TMPRSS4: variants seen among roughly 807,000 people sequenced by gnomAD.
TMPRSS4 encodes the protein transmembrane serine protease 4, also known as transmembrane protease serine 4.
A neutral mutation model predicts 56.4 loss-of-function variants in TMPRSS4; 45 were observed. The ratio of observed to expected loss-of-function variants is 0.80; its 90% CI spans 0.63 to 1.02. The LOEUF (loss-of-function observed/expected upper bound fraction) is 1.02, where lower values mean the gene tolerates loss of function less well. Ranked by LOEUF, TMPRSS4 falls within the 50% of genes least tolerant of loss-of-function variation. The pLI, the probability that TMPRSS4 is intolerant of heterozygous loss-of-function variation, is 0.00. For synonymous variants in TMPRSS4, 205 were observed against 211.0 expected (o/e 0.97, Z 0.25); for missense variants, 546 against 556.7 (o/e 0.98, Z 0.19).
chr11:118,104,573 C>T (rs1015674052), intron 4 of TMPRSS4, 118 bp from the exon 5 acceptor site: 5 of 1,487,790 alleles, frequency 3.4e-6, no homozygotes, highest in African/African-American at 2.8e-5. Flanking sequence ...AGTGTTGGGG[C>T]TCTGTGGCAC....
chr11:118,089,184 A>G (rs897211513), intron 1 of TMPRSS4, among the ~76,000 whole-genome samples: 1 of 152,074 alleles, frequency 6.6e-6, no homozygotes, highest in Non-Finnish European at 1.5e-5. Flanking sequence ...CATGAGCCCC[A>G]GTACTCGTGA....
At chr11:118,108,129 T>C in intron 6 of TMPRSS4, 1 of 404,738 alleles carries the variant, frequency 2.5e-6, no homozygotes, top group East Asian at 3.9e-5. Flanking sequence ...GCCAGAGGGA[T>C]GGATAATGTG....
intron 1 of TMPRSS4, among the ~76,000 whole-genome samples, chr11:118,083,568 G>T (rs1191733980): frequency 6.6e-6 from 1 of 151,978 alleles, no homozygotes; most frequent in Non-Finnish European, 1.5e-5. Flanking sequence ...TTGACTATGA[G>T]TATCTACTAT....
Position 118,114,195 on chromosome 11 carries a change from T to C in TMPRSS4, c.911-634T>C, listed in dbSNP as rs181436213. 6.6e-5 allele frequency among the ~76,000 whole-genome samples: 10 copies of C among 152,348 alleles called. 1 individual carries two copies. In the East Asian group the frequency reaches 1.9e-3, roughly 29 times the overall value. ...TTCTAGAGACCCTGGTGTGACCCCT[T>C]TCAGAGAGCTTAACTGCCAGGCTCT... On this transcript the variant is annotated intron_variant, in intron 9 of 12. Transcript: ENST00000437212.
chr11:118,098,069 C>T (rs1309826110), intron 2 of TMPRSS4, among the ~76,000 whole-genome samples: 1 of 152,218 alleles, frequency 6.6e-6, no homozygotes, highest in Non-Finnish European at 1.5e-5. Context: ...CGCACTGGAC[C>T]AGATCCATCT....
Position 118,111,976 on chromosome 11 carries a change from T to C in TMPRSS4, c.743+76T>C, listed in dbSNP as rs1014680043. 1.9e-5 allele frequency: 30 copies of C among 1,551,624 alleles called. 3 individuals carry two copies. The Admixed American group carries it at 3.5e-4, about 18-fold the overall frequency. On this transcript the variant is annotated intron_variant, in intron 8 of 12. Transcript: ENST00000437212. ...CCAGAGAGCTTGGGGTCCTGTCTCC[T>C]GGCACCGTCCTTCTCTTCACTCTCC... is the stretch of plus-strand genomic sequence containing the variant.
chr11:118,117,372 G>A lies in TMPRSS4; in HGVS notation c.1220G>A (p.Gly407Asp). The A allele has an allele frequency of 6.2e-7, 1 of 1,614,122 alleles. No individual in the cohort carries two copies. Among genetic ancestry groups the A allele is most frequent in the Non-Finnish European group, 8.5e-7 (1 of 1,179,992 alleles). ...QWHVVGIVSW[G>D]YGCGGPSTPG... is the part of the protein sequence containing the mutation. ...CATGTGGTGGGCATCGTTAGTTGGG[G>A]CTATGGCTGCGGGGGCCCGAGCACC... The change falls in exon 12 of 13, where the codon GGC becomes GAC. Residue 407 changes from glycine to aspartate, a missense_variant. By Grantham distance (94) the Gly-to-Asp change is moderately conservative (BLOSUM62 -1). Coordinates refer to ENST00000437212, the MANE Select transcript of TMPRSS4 (RefSeq NM_019894.4).
chr11:118,113,707 A>T lies in TMPRSS4; in HGVS notation c.910+272A>T, dbSNP rs148071017. Among the ~76,000 whole-genome samples the T allele has an allele frequency of 1.2e-3, 184 of 152,270 alleles. 2 individuals are homozygous for T. The highest frequency in any genetic ancestry group is 4.1e-3 in the African/African-American group (171 of 41,554). On this transcript the variant is annotated intron_variant, in intron 9 of 12. Coordinates refer to ENST00000437212, the MANE Select transcript of TMPRSS4 (RefSeq NM_019894.4). ...TCGAGTGAGAACTGGAGTTTCATCC[A>T]ATCTTGGAGTTTTAGGAGACCTTTT...
At chr11:118,099,179 T>G in intron 3 of TMPRSS4, 81 bp downstream of exon 3, 2 of 1,028,456 alleles carry the variant, frequency 1.9e-6, no homozygotes, top group Non-Finnish European at 2.8e-6. Flanking sequence ...CACCCCTGAA[T>G]AAGTGACAGT....
intron 5 of TMPRSS4, chr11:118,105,884 C>T (rs1946965765): frequency 6.6e-6 from 1 of 152,252 alleles, no homozygotes; most frequent in African/African-American, 2.4e-5. Context: ...GTAAATGCTC[C>T]AGGCAGCCAT....
In TMPRSS4 at chr11:118,089,488, G is replaced by GC. The variant is rs527381661; in HGVS notation, c.4-5325dup. On this transcript the variant is annotated intron_variant, in intron 1 of 12. Coordinates refer to ENST00000437212, the MANE Select transcript of TMPRSS4 (RefSeq NM_019894.4). ...TTTTTTCACTATTGGTCCATGCAGG[G>GC]CCCATTTGTAACTTGCTAGTTAGTT... Among the ~76,000 whole-genome samples, 46 of 152,206 alleles carry GC rather than the reference G, an allele frequency of 3.0e-4. 1 individual carries two copies. The South Asian group carries it at 9.3e-3, about 31-fold the overall frequency.
intron 5 of TMPRSS4, 67 bp downstream of exon 5, chr11:118,104,887 T>C: frequency 6.9e-7 from 1 of 1,452,010 alleles, no homozygotes; most frequent in South Asian, 1.4e-5. Flanking sequence ...CTTTCCTTCC[T>C]CCCTTCTTCT....
chr11:118,108,731 T>G (rs749224164), intron 6 of TMPRSS4, 125 bp from the exon 7 acceptor site: 55 of 864,084 alleles, frequency 6.4e-5, no homozygotes, highest in Non-Finnish European at 9.3e-5. Context: ...TGTTCCCCAC[T>G]GTGCAGCTTC....
chr11:118,113,296 G>A lies in TMPRSS4; in HGVS notation c.771G>A (p.Lys257=). 1 of 1,614,106 alleles carries A rather than the reference G, an allele frequency of 6.2e-7. No individual in the cohort carries two copies. The highest frequency in any genetic ancestry group is 8.5e-7 in the Non-Finnish European group (1 of 1,179,998). The change falls in exon 9 of 13, where the codon AAG becomes AAA. Residue 257 remains lysine (K), a synonymous_variant. Coordinates refer to ENST00000437212, the MANE Select transcript of TMPRSS4 (RefSeq NM_019894.4). ...FRKHTDVFNW[K]VRAGSDKLGS... is the part of the protein sequence containing the mutation. Reference sequence around the variant, plus strand: ...AACATACCGATGTGTTCAACTGGAAGGTGCGGGCAGGCTCAGACAAACTGG... The same window carrying A: ...AACATACCGATGTGTTCAACTGGAAAGTGCGGGCAGGCTCAGACAAACTGG...
chr11:118,084,256 A>G (rs1020250218), intron 1 of TMPRSS4, among the ~76,000 whole-genome samples: 2 of 152,198 alleles, frequency 1.3e-5, no homozygotes, highest in Admixed American at 6.5e-5. Context: ...CCTAGGCTGC[A>G]GGATTCCACG....
intron 2 of TMPRSS4, among the ~76,000 whole-genome samples, chr11:118,096,879 GAAAGAAAGAAAGAAAGAA>G (rs1946341506): frequency 4.3e-5 from 2 of 46,404 alleles, no homozygotes; most frequent in African/African-American, 1.8e-4. Context: ...AAGAAAGAAA[GAAAGAAAGAAAGAAAGAA>G]AGAAAGAAAG....
chr11:118,087,926 T>C (rs1339547606), intron 1 of TMPRSS4, among the ~76,000 whole-genome samples: 1 of 152,234 alleles, frequency 6.6e-6, no homozygotes, highest in Non-Finnish European at 1.5e-5. Flanking sequence ...AACATGCTCT[T>C]TGAGGTCTCT....
chr11:118,091,984 A>G (rs953814097), intron 1 of TMPRSS4, among the ~76,000 whole-genome samples: 8 of 151,588 alleles, frequency 5.3e-5, no homozygotes, highest in Non-Finnish European at 1.0e-4. Context: ...TCATTTATTA[A>G]GTTTTTACTA....
At chr11:118,117,488 C>T in intron 12 of TMPRSS4, 34 bp downstream of exon 12, 3 of 1,589,200 alleles carry the variant, frequency 1.9e-6, no homozygotes, top group Non-Finnish European at 2.6e-6. Flanking sequence ...CTGTGCCTTC[C>T]CTCCAGTCCT....
Sources: gnomAD v4.1 joint callset for allele counts (sites outside exome capture counted in the v4.1 genomes callset) on GRCh38, gnomAD v4.1.1 for gene constraint, MANE v1.5 for transcripts, NCBI Gene and HGNC (gene_info 2026-07-23, HGNC 2026-07-21) for gene names.